Variants in ZMIZ1 observed in about 807,000 individuals in gnomAD.
ZMIZ1 encodes the protein zinc finger MIZ-type containing 1, also known as zinc finger MIZ domain-containing protein 1.
In ZMIZ1, 17 loss-of-function variants were observed where a neutral mutation model predicts 113.9. The ratio of observed to expected loss-of-function variants is 0.15; its 90% CI spans 0.10 to 0.22. ZMIZ1 has a LOEUF of 0.22. ZMIZ1 is among the 10% of genes least tolerant of loss of function. The pLI is 1.00. For synonymous variants in ZMIZ1, 607 were observed against 603.1 expected (o/e 1.01, Z -0.09); for missense variants, 1,059 against 1,477.8 (o/e 0.72, Z 4.65).
At chr10:79,239,897 C>CCA (rs941265000) in intron 7 of ZMIZ1, among the ~76,000 whole-genome samples, 1 of 150,872 alleles carries the variant, frequency 6.6e-6, no homozygotes, top group African/African-American at 2.4e-5. Context: ...CCACCCGCCC[C>CCA]CACCCCAACC....
At chr10:79,099,245 G>A (rs1255047230) in intron 1 of ZMIZ1, among the ~76,000 whole-genome samples, 1 of 152,114 alleles carries the variant, frequency 6.6e-6, no homozygotes, top group Non-Finnish European at 1.5e-5. Context: ...CCACCGTGAG[G>A]CCCCGGGAGT....
At chr10:79,203,823 T>G (rs1419373401) in intron 5 of ZMIZ1, among the ~76,000 whole-genome samples, 2 of 152,216 alleles carry the variant, frequency 1.3e-5, no homozygotes, top group Non-Finnish European at 2.9e-5. Context: ...ATGGGCATCA[T>G]AATTAATTCA....
At chr10:79,189,126 T>A (rs703973) in intron 4 of ZMIZ1, among the ~76,000 whole-genome samples, 112,388 of 152,166 alleles carry the variant, frequency 0.74, 42,711 homozygotes, top group African/African-American at 0.9. Context: ...GAAAGCTCCT[T>A]CCCTAATCCA....
intron 4 of ZMIZ1, among the ~76,000 whole-genome samples, chr10:79,183,154 G>C (rs1002539850): frequency 6.6e-6 from 1 of 152,256 alleles, no homozygotes; most frequent in African/African-American, 2.4e-5. Context: ...GCCCCTTTCA[G>C]GCCCCATGGT....
At position 79,298,439 on chromosome 10, in the gene ZMIZ1, C is replaced by T; in HGVS notation, c.1525C>T (p.His509Tyr). ...PRPVPVANYP[H>Y]SPVPGNPTPP... ...GCCGGTTCCTGTGGCAAATTACCCCCACTCACCTGTTCCAGGGAACCCCAC... is the reference window on the plus strand; with the variant it reads ...GCCGGTTCCTGTGGCAAATTACCCCTACTCACCTGTTCCAGGGAACCCCAC... Residue 509 changes from histidine to tyrosine, a missense_variant, in exon 15 of 25, where the codon CAC becomes TAC. Physicochemically the swap from His to Tyr is moderately conservative, Grantham distance 83. Around this residue, in one of 6 missense-constraint regions of ZMIZ1, gnomAD observed 239 missense variants for 247.5 expected, o/e 0.97. Coordinates refer to ENST00000334512, the MANE Select transcript of ZMIZ1 (RefSeq NM_020338.4). The T allele has an allele frequency of 6.2e-7, 1 of 1,610,338 alleles. No homozygotes were observed. Among genetic ancestry groups the T allele is most frequent in the Non-Finnish European group, 8.5e-7 (1 of 1,178,284 alleles).
At chr10:79,188,857 A>G (rs1257192548) in intron 4 of ZMIZ1, among the ~76,000 whole-genome samples, 1 of 152,188 alleles carries the variant, frequency 6.6e-6, no homozygotes, top group African/African-American at 2.4e-5. Flanking sequence ...GGCCCTTCCC[A>G]TGCAAGCGTG....
intron 4 of ZMIZ1, among the ~76,000 whole-genome samples, chr10:79,195,361 A>G (rs1029004336): frequency 1.3e-5 from 2 of 152,176 alleles, no homozygotes; most frequent in Non-Finnish European, 2.9e-5. Context: ...ACCAGGAGAC[A>G]TGGCGGGGGT....
intron 4 of ZMIZ1, 22 bp downstream of exon 4, chr10:79,162,155 C>T (rs949870444): frequency 7.8e-5 from 31 of 399,274 alleles, no homozygotes; most frequent in East Asian, 7.5e-4. Flanking sequence ...ACGGGGCTGG[C>T]GGGAGGTGGC....
intron 15 of ZMIZ1, among the ~76,000 whole-genome samples, chr10:79,298,800 A>C (rs538739369): frequency 6.6e-6 from 1 of 152,192 alleles, no homozygotes; most frequent in Admixed American, 6.5e-5. Flanking sequence ...AGGAAAATCT[A>C]TACGCAGCCA....
intron 4 of ZMIZ1, among the ~76,000 whole-genome samples, chr10:79,195,502 C>T (rs1847795962): frequency 6.6e-6 from 1 of 152,192 alleles, no homozygotes; most frequent in South Asian, 2.1e-4. Flanking sequence ...GCCTCTCCGG[C>T]TATAGAGCTG....
At position 79,296,709 on chromosome 10, in the gene ZMIZ1, T is replaced by G; in HGVS notation, c.1413+56T>G. The G allele has an allele frequency of 1.4e-6, 2 of 1,460,800 alleles. No homozygotes were observed. The highest frequency in any genetic ancestry group is 1.4e-5 in the South Asian group (1 of 73,632). 90.5% of individuals were successfully genotyped at this position (1,460,800 alleles called of 1,614,324 possible). ...GCCCCTTCCCTCCTAACCACCTCAC[T>G]CCCCTAACTCCACCGGGATCACTCT... is the stretch of plus-strand genomic sequence containing the variant. On this transcript the variant is annotated intron_variant, in intron 13 of 24. Transcript: ENST00000334512. This position sits in a 1 kb window ranked among gnomAD's most constrained non-coding sequence, Gnocchi z 4.1.
At chr10:79,110,703 T>G (rs1292961002) in intron 1 of ZMIZ1, among the ~76,000 whole-genome samples, 1 of 152,224 alleles carries the variant, frequency 6.6e-6, no homozygotes, top group Admixed American at 6.5e-5. Flanking sequence ...GCACCACAGC[T>G]GGCTCAGAGG....
intron 1 of ZMIZ1, among the ~76,000 whole-genome samples, chr10:79,111,746 C>T (rs1249252352): frequency 1.3e-5 from 2 of 152,236 alleles, no homozygotes; most frequent in Non-Finnish European, 2.9e-5. Flanking sequence ...AATACAGTCT[C>T]ACTTACACTT....
Position 79,293,532 on chromosome 10 carries a change from C to G in ZMIZ1, c.1109C>G (p.Pro370Arg). The change falls in exon 12 of 25, where the codon CCC (proline) becomes CGC (arginine). Residue 370 changes from proline (P) to arginine (R), a missense_variant. Physicochemically the swap from Pro to Arg is moderately radical, Grantham distance 103. This residue lies in a region of ZMIZ1 where 83 missense variants were observed against 103.7 expected (regional missense o/e 0.80). Transcript: ENST00000334512. ...GGCCCTCCCATGGGCATGAACCAGCCCCGGCCGCCCGGCATCAGCCCCTTT... is the reference window on the plus strand; with the variant it reads ...GGCCCTCCCATGGGCATGAACCAGCGCCGGCCGCCCGGCATCAGCCCCTTT... ...MSGPPMGMNQ[P>R]RPPGISPFGT... The G allele has an allele frequency of 6.2e-7, 1 of 1,611,348 alleles. No homozygotes were observed. The highest frequency in any genetic ancestry group is 8.5e-7 in the Non-Finnish European group (1 of 1,178,892).
At chr10:79,244,680 T>G (rs147002842) in intron 7 of ZMIZ1, among the ~76,000 whole-genome samples, 203 of 152,262 alleles carry the variant, frequency 1.3e-3, no homozygotes, top group African/African-American at 4.6e-3. Flanking sequence ...GCAGGTGGCA[T>G]GGAGTTGGTG....
intron 11 of ZMIZ1, among the ~76,000 whole-genome samples, chr10:79,293,109 C>CT (rs1271337044): frequency 2.6e-5 from 4 of 152,058 alleles, no homozygotes; most frequent in Admixed American, 6.5e-5. Context: ...GAAATGCTGC[C>CT]TGTGCATCGG....
chr10:79,158,415 A>G (rs1845984730), intron 3 of ZMIZ1, among the ~76,000 whole-genome samples: 2 of 152,314 alleles, frequency 1.3e-5, no homozygotes, highest in African/African-American at 4.8e-5. Flanking sequence ...GGGGGCTTAG[A>G]GAAGCCTAGT....
chr10:79,114,783 C>T (rs1843950658), intron 1 of ZMIZ1, among the ~76,000 whole-genome samples: 1 of 151,888 alleles, frequency 6.6e-6, no homozygotes, highest in Admixed American at 6.6e-5. Context: ...ACATCTTTGC[C>T]CCCTCTTAAA....
Position 79,269,484 on chromosome 10 carries a change from C to CACACACACAT in ZMIZ1, c.281-7691_281-7690insACATACACAC, listed in dbSNP as rs1554825462. 4.7e-5 allele frequency among the ~76,000 whole-genome samples: 7 copies of CACACACACAT among 148,190 alleles called. No individual in the cohort carries two copies. The Admixed American group carries it at 4.7e-4, about 10-fold the overall frequency. On this transcript the variant is annotated intron_variant, in intron 7 of 24. Coordinates refer to ENST00000334512, the MANE Select transcript of ZMIZ1 (RefSeq NM_020338.4). ...ACACACACACACACACACACACACA[C>CACACACACAT]ACACACTTTCTCTGTTCTCCAGCAG...
Sources: gnomAD v4.1 joint callset for allele counts (sites outside exome capture counted in the v4.1 genomes callset) on GRCh38, gnomAD v4.1.1 for gene constraint, gnomAD v4.1.1 regional missense constraint, Gnocchi (gnomAD v3.1) non-coding constraint, MANE v1.5 for transcripts, NCBI Gene and HGNC (gene_info 2026-07-23, HGNC 2026-07-21) for gene names.